Variants in GORASP2 observed in about 807,000 individuals in gnomAD.
GORASP2 encodes golgi reassembly stacking protein 2, also known as Golgi reassembly-stacking protein 2.
Under a neutral mutation model 45.7 loss-of-function variants are expected in GORASP2, and 22 were observed. That is an observed-to-expected ratio of 0.48 (90% CI 0.34 to 0.69). The LOEUF (loss-of-function observed/expected upper bound fraction) is 0.69, where lower values mean the gene tolerates loss of function less well. Ranked by LOEUF, GORASP2 falls within the 30% of genes least tolerant of loss-of-function variation. GORASP2 has a pLI of 0.01. For synonymous variants in GORASP2, 221 were observed against 215.6 expected (o/e 1.02, Z -0.22); for missense variants, 491 against 562.7 (o/e 0.87, Z 1.29).
chr2:170,941,345 C>T (rs1704073088), intron 1 of GORASP2, among the ~76,000 whole-genome samples: 1 of 151,986 alleles, frequency 6.6e-6, no homozygotes, highest in African/African-American at 2.4e-5. Context: ...AATCGTGTGG[C>T]CCTAAGAAGA....
At chr2:170,934,308 T>A in intron 1 of GORASP2, among the ~76,000 whole-genome samples, 1 of 151,964 alleles carries the variant, frequency 6.6e-6, no homozygotes, top group East Asian at 1.9e-4. Context: ...GGAGTTTCGC[T>A]TTTGTTGCCC....
upstream of GORASP2, chr2:170,929,219 C>T: frequency 1.4e-6 from 1 of 726,192 alleles, no homozygotes; most frequent in Non-Finnish European, 1.9e-6. Flanking sequence ...GGCTGTGCGG[C>T]CCGGCTCTCC....
intron 5 of GORASP2, among the ~76,000 whole-genome samples, chr2:170,952,199 T>C (rs925565625): frequency 2.0e-5 from 3 of 152,260 alleles, no homozygotes; most frequent in African/African-American, 7.2e-5. Context: ...GAGTGCCTGC[T>C]GAGCATGGAA....
intron 9 of GORASP2, among the ~76,000 whole-genome samples, chr2:170,963,591 T>C (rs1310606880): frequency 6.7e-6 from 1 of 150,260 alleles, no homozygotes; most frequent in Non-Finnish European, 1.5e-5. Flanking sequence ...GGCGAATGAA[T>C]TCCCCACCAT....
At position 170,966,233 on chromosome 2, in the gene GORASP2, A is replaced by T; in HGVS notation, c.*103A>T. The T allele has an allele frequency of 1.2e-6, 1 of 817,138 alleles. No individual in the cohort carries two copies. Among genetic ancestry groups the T allele is most frequent in the Non-Finnish European group, 2.0e-6 (1 of 492,120 alleles). The allele number at this position is 817,138 out of a possible 1,614,324, so 50.6% of individuals were successfully genotyped here. A position where few individuals can be genotyped will look rare whatever the true frequency, so the allele number is the denominator to read the frequency against. On this transcript the variant is annotated 3_prime_UTR_variant, in exon 10 of 10. Transcript: ENST00000234160. ...TCATACTAGTTTGTACCGTATCTGT[A>T]GGCATCCTGTAAATAATTCCAAGGG...
chr2:170,954,472 A>G (rs1045772683), intron 5 of GORASP2, 178 bp from the exon 6 acceptor site: 22 of 583,038 alleles, frequency 3.8e-5, no homozygotes, highest in African/African-American at 3.8e-4. Context: ...CTTAGATGAC[A>G]TTATCTAAAA....
At chr2:170,937,639 GAAAA>G (rs952874629) in intron 1 of GORASP2, among the ~76,000 whole-genome samples, 6 of 152,158 alleles carry the variant, frequency 3.9e-5, no homozygotes, top group East Asian at 1.9e-4. Context: ...GCTTGAGAAA[GAAAA>G]AGAAAGAGAG....
At chr2:170,944,735 A>G (rs1704147354) in intron 1 of GORASP2, among the ~76,000 whole-genome samples, 1 of 152,220 alleles carries the variant, frequency 6.6e-6, no homozygotes, top group Admixed American at 6.5e-5. Context: ...CTTTTTAACT[A>G]AAAGGTAAAC....
At chr2:170,953,108 C>T (rs936329106) in intron 5 of GORASP2, among the ~76,000 whole-genome samples, 1 of 152,260 alleles carries the variant, frequency 6.6e-6, no homozygotes, top group South Asian at 2.1e-4. Flanking sequence ...GTAGTACTAC[C>T]GCTTTGGGAG....
chr2:170,962,594 T>C (rs1475779047), intron 8 of GORASP2, among the ~76,000 whole-genome samples: 1 of 152,206 alleles, frequency 6.6e-6, no homozygotes, highest in African/African-American at 2.4e-5. Context: ...GTTAAGAGTA[T>C]TAGTTATTTA....
chr2:170,935,068 G>A (rs772831167), intron 1 of GORASP2, among the ~76,000 whole-genome samples: 39 of 152,100 alleles, frequency 2.6e-4, no homozygotes, highest in Non-Finnish European at 5.1e-4. Flanking sequence ...AAAAGGCCCA[G>A]AAGTTGTTTA....
At position 170,966,027 on chromosome 2, in the gene GORASP2, C is replaced by T. The variant is rs757316715; in HGVS notation, c.1256C>T (p.Ala419Val). The T allele has an allele frequency of 5.6e-6, 9 of 1,613,778 alleles. No homozygotes were observed. The African/African-American group carries it at 1.2e-4, about 22-fold the overall frequency. The change falls in exon 10 of 10, where the codon GCC becomes GTC. Residue 419 changes from alanine (A) to valine (V), a missense_variant. Around this residue, in one of 2 missense-constraint regions of GORASP2, gnomAD observed 297 missense variants for 292.3 expected, o/e 1.02. Transcript: ENST00000234160. Reference protein sequence around the residue: ...SLTVDVTPPTAKAPTTVEDRV... With the variant: ...SLTVDVTPPTVKAPTTVEDRV... ...ACTGTGGATGTGACGCCCCCCACTG[C>T]CAAGGCCCCCACCACCGTTGAGGAC...
rs371303130 is a variant in GORASP2 at position 170,966,093 on chromosome 2, C to G, written c.1322C>G (p.Ser441Cys). 16 of 1,614,054 alleles carry G rather than the reference C, an allele frequency of 9.9e-6. No individual in the cohort carries two copies. In the African/African-American group the frequency reaches 2.0e-4, roughly 20 times the overall value. The change falls in exon 10 of 10, where the codon TCT becomes TGT. Residue 441 changes from serine (S) to cysteine (C), a missense_variant. By Grantham distance (112) the Ser-to-Cys change is moderately radical. This residue lies in a region of GORASP2 where 297 missense variants were observed against 292.3 expected (regional missense o/e 1.02). Transcript: ENST00000234160. ...ACCCCAGTCAGCGAGAAGCCTGTTT[C>G]TGCGGCTGTGGATGCCAATGCTTCT... ...DSTPVSEKPV[S>C]AAVDANASES...
At chr2:170,941,992 G>A (rs989802314) in intron 1 of GORASP2, among the ~76,000 whole-genome samples, 9 of 152,066 alleles carry the variant, frequency 5.9e-5, no homozygotes, top group Non-Finnish European at 7.4e-5. Flanking sequence ...AATGTCCTAC[G>A]TCCTCACTAA....
chr2:170,951,048 G>A (rs1458423262), intron 4 of GORASP2, among the ~76,000 whole-genome samples: 2 of 152,144 alleles, frequency 1.3e-5, no homozygotes, highest in African/African-American at 4.8e-5. Context: ...TTAATAATGG[G>A]AAGTAAAAGC....
chr2:170,959,848 G>A (rs1166363896), intron 7 of GORASP2, among the ~76,000 whole-genome samples: 1 of 135,104 alleles, frequency 7.4e-6, no homozygotes, highest in Non-Finnish European at 1.5e-5. Context: ...TTGAGACGGA[G>A]TCTTGCTCTG....
In GORASP2 at chr2:170,950,109, A is replaced by G. The variant is rs3770437; in HGVS notation, c.349-95A>G. On this transcript the variant is annotated intron_variant, in intron 3 of 9. Coordinates refer to ENST00000234160, the MANE Select transcript of GORASP2 (RefSeq NM_015530.5). ...TCTCTAGCAAGACAGAAGTATACAG[A>G]TTTAAAAAATCAACATAATTAAAAA... The G allele has an allele frequency of 1.1e-3, 695 of 655,228 alleles. 6 individuals are homozygous for G. The East Asian group carries it at 0.018, about 17-fold the overall frequency. The allele number at this position is 655,228 out of a possible 1,614,324, so 40.6% of individuals were successfully genotyped here. A position where few individuals can be genotyped will look rare whatever the true frequency, so the allele number is the denominator to read the frequency against.
intron 7 of GORASP2, among the ~76,000 whole-genome samples, chr2:170,961,397 C>T (rs1185568225): frequency 6.6e-6 from 1 of 151,910 alleles, no homozygotes; most frequent in Non-Finnish European, 1.5e-5. Context: ...GTGTAAACCT[C>T]TTGTCCAGTG....
At position 170,965,951 on chromosome 2, in the gene GORASP2, C is replaced by T; in HGVS notation, c.1180C>T (p.Pro394Ser). The change falls in exon 10 of 10, where the codon CCC becomes TCC. Residue 394 changes from proline (P) to serine (S), a missense_variant. Around this residue, in one of 2 missense-constraint regions of GORASP2, gnomAD observed 297 missense variants for 292.3 expected, o/e 1.02. Transcript: ENST00000234160. Reference protein sequence around the residue: ...LSSLPPTSNAPSDPATTTAKA... With the variant: ...LSSLPPTSNASSDPATTTAKA... ...TTCCCTCCCGCCCACCAGCAACGCA[C>T]CCTCCGACCCTGCCACAACTACTGC... The T allele has an allele frequency of 6.2e-7, 1 of 1,614,002 alleles. No individual in the cohort carries two copies. Among genetic ancestry groups the T allele is most frequent in the Non-Finnish European group, 8.5e-7 (1 of 1,179,972 alleles).
Sources: allele counts gnomAD v4.1 joint callset (sites outside exome capture counted in the v4.1 genomes callset), GRCh38; gene constraint gnomAD v4.1.1; regional missense constraint gnomAD v4.1.1; transcripts MANE v1.5; gene names NCBI Gene and HGNC (gene_info 2026-07-23, HGNC 2026-07-21).